The following DIXDC1 variants were observed in gnomAD, a reference collection of about 807,000 sequenced individuals.
DIXDC1 encodes dixin.
In DIXDC1, 64 loss-of-function variants were observed where a neutral mutation model predicts 103.1. The ratio of observed to expected loss-of-function variants is 0.62; its 90% confidence interval spans 0.51 to 0.76. The LOEUF is 0.76. DIXDC1 is among the 30% of genes least tolerant of loss of function. DIXDC1 has a pLI of 0.00. For missense variants in DIXDC1, 759 were observed against 834.2 expected (o/e 0.91, Z 1.11); for synonymous variants, 266 against 298.5 (o/e 0.89, Z 1.12).
At chr11:111,966,370 G>A (rs1440470843) in intron 2 of DIXDC1, among the ~76,000 whole-genome samples, 8 of 144,146 alleles carry the variant, frequency 5.5e-5, no homozygotes, top group African/African-American at 7.9e-5. Context: ...CTACATGCGT[G>A]CACCACCACG....
At chr11:111,936,888 C>G (rs1966204757), upstream of DIXDC1, among the ~76,000 whole-genome samples, 1 of 149,572 alleles carries the variant, frequency 6.7e-6, no homozygotes, top group East Asian at 2.0e-4. Flanking sequence ...GTGTTGCGCA[C>G]CCTCCCCACG....
chr11:111,936,845 A>AGTGTGT (rs57332873), upstream of DIXDC1, among the ~76,000 whole-genome samples: 1,274 of 140,834 alleles, frequency 9.0e-3, 14 homozygotes, highest in African/African-American at 0.028. Flanking sequence ...TTAAGTTAGC[A>AGTGTGT]GTGTGTGTGT....
rs1405183599 is a variant in DIXDC1 at position 112,013,327 on chromosome 11, T to TG, written c.1757-3360dup. ...AAGTTGACGGGTCGGGGGGTGGGGG[T>TG]GGGGTGGGGGGGGGGAACAAATTCA... On this transcript the variant is annotated intron_variant, in intron 17 of 19. Coordinates refer to ENST00000440460, the MANE Select transcript of DIXDC1 (RefSeq NM_001037954.4). Among the ~76,000 whole-genome samples the TG allele has an allele frequency of 1.2e-4, 6 of 49,924 alleles. 1 individual carries two copies. Among genetic ancestry groups the TG allele is most frequent in the Admixed American group, 2.4e-4 (1 of 4,142 alleles). The allele number at this position is 49,924 out of a possible 152,430, so 32.8% of individuals were successfully genotyped here. A position where few individuals can be genotyped will look rare whatever the true frequency, so the allele number is the denominator to read the frequency against.
rs148248200 is a variant in DIXDC1, at chr11:111,932,144, C to T, written c.57+2234C>T. On this transcript the variant is annotated intron_variant, in intron 2 of 5. Transcript: ENST00000529225. Reference sequence around the variant, plus strand: ...CTCCCGGGTTTGAGTGATTTTCCCACCTCAGCCTCCAGAGCAGCTGGGACT... The same window carrying T: ...CTCCCGGGTTTGAGTGATTTTCCCATCTCAGCCTCCAGAGCAGCTGGGACT... Among the ~76,000 whole-genome samples the T allele has an allele frequency of 4.7e-4, 71 of 151,384 alleles. 1 individual carries two copies. The highest frequency in any genetic ancestry group is 1.6e-3 in the African/African-American group (64 of 41,210).
At chr11:111,946,351 G>A (rs1173531252) in intron 1 of DIXDC1, among the ~76,000 whole-genome samples, 3 of 151,946 alleles carry the variant, frequency 2.0e-5, no homozygotes, top group African/African-American at 4.8e-5. Context: ...CTCATGATCC[G>A]CCCGCCTTGG....
rs1555177953 is a variant in DIXDC1, at chr11:112,017,891, G to T, written c.1971+6G>T. The T allele has an allele frequency of 1.8e-5, 29 of 1,597,960 alleles. No homozygotes were observed. The highest frequency in any genetic ancestry group is 2.4e-5 in the Non-Finnish European group (28 of 1,170,304). On this transcript the variant is annotated splice_donor_region_variant and intron_variant, in intron 19 of 19. Transcript: ENST00000440460. This position sits in a 1 kb window ranked among gnomAD's most constrained non-coding sequence, Gnocchi z 4.0. The stretch of plus-strand genomic sequence containing the variant: ...TTGGCACTGTCAAAGAGGAGGTAAA[G>T]AATCTGTGGGGAGTCTGTATGGTAT...
In DIXDC1 at chr11:112,009,776, C is replaced by A. The variant is rs374659356; in HGVS notation, c.1757-6915C>A. Among the ~76,000 whole-genome samples, 17 of 152,174 alleles carry A rather than the reference C, an allele frequency of 1.1e-4. No homozygotes were observed. The East Asian group carries it at 1.7e-3, about 15-fold the overall frequency. On this transcript the variant is annotated intron_variant, in intron 17 of 19. Coordinates refer to ENST00000440460, the MANE Select transcript of DIXDC1 (RefSeq NM_001037954.4). ...ATTCAACAGCCCTTCATGCTAAAAT[C>A]TCTCAATAAACTGGGTATTGATGGA...
At chr11:111,987,636 T>C (rs1248251188) in intron 9 of DIXDC1, among the ~76,000 whole-genome samples, 1 of 151,442 alleles carries the variant, frequency 6.6e-6, no homozygotes, top group Non-Finnish European at 1.5e-5. Flanking sequence ...GCATGTATGT[T>C]TGCACTCATA....
Position 111,982,328 on chromosome 11 carries a change from T to C in DIXDC1, c.770-11T>C, listed in dbSNP as rs1463352661. ...TCAACATGAACTGTACTCCCTCTTT[T>C]CATTTTTTAGAAGGGACAGATTCTC... On this transcript the variant is annotated splice_polypyrimidine_tract_variant and intron_variant, in intron 6 of 19. Coordinates refer to ENST00000440460, the MANE Select transcript of DIXDC1 (RefSeq NM_001037954.4). 3.1e-6 allele frequency: 5 copies of C among 1,611,004 alleles called. No individual in the cohort carries two copies. Among genetic ancestry groups the C allele is most frequent in the Admixed American group, 1.7e-5 (1 of 58,942 alleles).
In DIXDC1 at chr11:111,974,069, C is replaced by T; in HGVS notation, c.363C>T (p.Ala121=). The part of the protein sequence containing the change: ...NLKSIMRLVL[A]LAAHFKPGSS... ...AGTCTATCATGAGGCTGGTCCTTGC[C>T]TTGGCAGCTCATTTCAAACCTGGCT... is the stretch of plus-strand genomic sequence containing the variant. Residue 121 remains alanine, a synonymous_variant, in exon 4 of 20, where the codon GCC becomes GCT. Coordinates refer to ENST00000440460, the MANE Select transcript of DIXDC1 (RefSeq NM_001037954.4). 6.2e-7 allele frequency: 1 copy of T among 1,613,952 alleles called. No homozygotes were observed. The highest frequency in any genetic ancestry group is 8.5e-7 in the Non-Finnish European group (1 of 1,179,900).
At position 112,020,505 on chromosome 11, in the gene DIXDC1, T is replaced by C. The variant is rs1861723682; in HGVS notation, c.*1469T>C. 1 of 152,556 alleles carries C rather than the reference T, an allele frequency of 6.6e-6. No individual in the cohort carries two copies. The highest frequency in any genetic ancestry group is 1.5e-5 in the Non-Finnish European group (1 of 68,042). The allele number at this position is 152,556 out of a possible 1,614,324, so 9.5% of individuals were successfully genotyped here. On this transcript the variant is annotated 3_prime_UTR_variant, in exon 20 of 20. Coordinates refer to ENST00000440460, the MANE Select transcript of DIXDC1 (RefSeq NM_001037954.4). ...AATTCTTTTGTACTCATTTGCTTTT[T>C]GTCTGAGAACCATGTCTATTTTTAT...
At chr11:111,987,241 C>T (rs1860522567) in intron 9 of DIXDC1, among the ~76,000 whole-genome samples, 1 of 150,526 alleles carries the variant, frequency 6.6e-6, no homozygotes, top group Non-Finnish European at 1.5e-5. Context: ...CAAAGTGAGA[C>T]TCCATCTCAA....
At chr11:111,937,158 G>T (rs1239987024), upstream of DIXDC1, 7 of 964,932 alleles carry the variant, frequency 7.3e-6, no homozygotes, top group East Asian at 9.5e-5. Flanking sequence ...CGTGCGTGCG[G>T]GCGTGCAGCG....
chr11:111,974,336 A>C, intron 4 of DIXDC1, 82 bp downstream of exon 4: 1 of 1,345,828 alleles, frequency 7.4e-7, no homozygotes, highest in Non-Finnish European at 1.0e-6. Context: ...AGTAGATAGA[A>C]ACGTCACCCA....
chr11:111,950,611 A>G (rs1966773700), intron 1 of DIXDC1, among the ~76,000 whole-genome samples: 1 of 150,856 alleles, frequency 6.6e-6, no homozygotes, highest in South Asian at 2.1e-4. Context: ...GTGTGCCACC[A>G]TGCCCAGCTA....
intron 17 of DIXDC1, among the ~76,000 whole-genome samples, chr11:112,012,571 A>C (rs1451823523): frequency 6.6e-6 from 1 of 152,232 alleles, no homozygotes; most frequent in Admixed American, 6.5e-5. Flanking sequence ...GGATAAGCCT[A>C]AACTTATAAG....
intron 1 of DIXDC1, among the ~76,000 whole-genome samples, chr11:111,956,852 A>G (rs1859388758): frequency 6.6e-6 from 1 of 152,046 alleles, no homozygotes; most frequent in African/African-American, 2.4e-5. Flanking sequence ...AATATCCATG[A>G]TATACTGATA....
At chr11:111,973,941 A>T in intron 3 of DIXDC1, 82 bp from the exon 4 acceptor site, 1 of 1,341,864 alleles carries the variant, frequency 7.5e-7, no homozygotes, top group South Asian at 1.4e-5. Context: ...AGCAATATGT[A>T]ATAAATGCAG....
At chr11:111,956,212 A>C (rs1859360235) in intron 1 of DIXDC1, among the ~76,000 whole-genome samples, 2 of 152,208 alleles carry the variant, frequency 1.3e-5, no homozygotes, top group African/African-American at 4.8e-5. Context: ...GTGGTTGCCA[A>C]GGGCTAAGTG....
Sources: allele counts gnomAD v4.1 joint callset (sites outside exome capture counted in the v4.1 genomes callset), GRCh38; gene constraint gnomAD v4.1.1; non-coding constraint Gnocchi (gnomAD v3.1); transcripts MANE v1.5; gene names NCBI Gene and HGNC (gene_info 2026-07-23, HGNC 2026-07-21).